Variants in KCNK18 observed in about 807,000 individuals in gnomAD.
KCNK18 encodes the protein potassium channel subfamily K member 18.
KCNK18 carries 8 observed loss-of-function variants against 11.8 expected under a neutral mutation model. The observed-to-expected ratio is 0.68, with a 90% CI of 0.40 to 1.22. The LOEUF (loss-of-function observed/expected upper bound fraction) is 1.22, where lower values mean the gene tolerates loss of function less well. KCNK18 is among the 50% of genes most tolerant of loss of function. The pLI, the probability that KCNK18 is intolerant of heterozygous loss-of-function variation, is 0.01. For synonymous variants in KCNK18, 208 were observed against 185.8 expected, an observed-to-expected ratio of 1.12 and a Z score of -0.97; for missense variants, 442 against 465.4, an observed-to-expected ratio of 0.95 and a Z score of 0.46.
chr10:117,205,058 GTC>G (rs545492543), intron 2 of KCNK18, among the ~76,000 whole-genome samples: 59 of 152,316 alleles, frequency 3.9e-4, no homozygotes, highest in African/African-American at 1.3e-3. Context: ...GTGTTTGAAA[GTC>G]TCTCTGGTAA....
rs36101740 is a variant in KCNK18 at position 117,200,814 on chromosome 10, G to GAAAA, written c.224-336_224-333dup. Among the ~76,000 whole-genome samples, 233 of 145,506 alleles carry GAAAA rather than the reference G, an allele frequency of 1.6e-3. 1 individual carries two copies. In the East Asian group the frequency reaches 0.016, roughly 10 times the overall value. On this transcript the variant is annotated intron_variant, in intron 1 of 2. Coordinates refer to ENST00000334549, the MANE Select transcript of KCNK18 (RefSeq NM_181840.1). ...CAACAGAGCAAGACTCTTGTCTCAAGAAAAAAAAAAAACAGATGAAAGAAA... is the reference window on the plus strand; with the variant it reads ...CAACAGAGCAAGACTCTTGTCTCAAGAAAAAAAAAAAAAAAACAGATGAAAGAAA...
chr10:117,206,011 G>A (rs888860626), intron 2 of KCNK18, among the ~76,000 whole-genome samples: 1 of 151,810 alleles, frequency 6.6e-6, no homozygotes, highest in African/African-American at 2.4e-5. Flanking sequence ...GGTCGTGCAC[G>A]CCTCTTCACT....
intron 1 of KCNK18, among the ~76,000 whole-genome samples, chr10:117,200,052 T>C (rs547261912): frequency 1.3e-5 from 2 of 152,330 alleles, no homozygotes; most frequent in African/African-American, 2.4e-5. Context: ...CACAGTATGA[T>C]GGTATGATGA....
In KCNK18 at chr10:117,209,558, C is replaced by G; in HGVS notation, c.414C>G (p.Leu138=). ...AGTACTTGTGCATGCTCTATGCTCT[C>G]TTTGGTATCCCCCTGATGTTCCTCG... is the stretch of plus-strand genomic sequence containing the variant. The part of the protein sequence containing the change: ...LGKYLCMLYA[L]FGIPLMFLVL... Residue 138 remains leucine, a synonymous_variant, in exon 3 of 3, where the codon CTC becomes CTG. Coordinates refer to ENST00000334549, the MANE Select transcript of KCNK18 (RefSeq NM_181840.1). The G allele has an allele frequency of 6.2e-7, 1 of 1,614,100 alleles. No homozygotes were observed. The highest frequency in any genetic ancestry group is 8.5e-7 in the Non-Finnish European group (1 of 1,179,966).
intron 1 of KCNK18, 83 bp downstream of exon 1, chr10:117,197,794 G>T: frequency 2.4e-6 from 3 of 1,275,182 alleles, no homozygotes; most frequent in Non-Finnish European, 3.4e-6. Flanking sequence ...CTTCTAGGAG[G>T]CTGGGTCTGG....
Position 117,197,504 on chromosome 10 carries a change from C to T in KCNK18, c.16C>T (p.His6Tyr), listed in dbSNP as rs748831349. 3.7e-6 allele frequency: 6 copies of T among 1,613,074 alleles called. No individual in the cohort carries two copies. The highest frequency in any genetic ancestry group is 2.2e-5 in the East Asian group (1 of 44,890). ...TTCAGGGACGATGGAGGTCTCGGGG[C>T]ACCCCCAGGCCAGGAGATGCTGCCC... is the stretch of plus-strand genomic sequence containing the variant. MEVSG[H>Y]PQARRCCPEA... The change falls in exon 1 of 3, where the codon CAC becomes TAC. Residue 6 changes from histidine (H) to tyrosine (Y), a missense_variant. Coordinates refer to ENST00000334549, the MANE Select transcript of KCNK18 (RefSeq NM_181840.1).
chr10:117,208,412 C>T (rs552105205), intron 2 of KCNK18, among the ~76,000 whole-genome samples: 11 of 152,036 alleles, frequency 7.2e-5, no homozygotes, highest in African/African-American at 2.2e-4. Flanking sequence ...CTAGTCAATA[C>T]GCAAAGTAGG....
intron 1 of KCNK18, among the ~76,000 whole-genome samples, chr10:117,198,150 T>G (rs1312538174): frequency 6.6e-6 from 1 of 152,174 alleles, no homozygotes; most frequent in Non-Finnish European, 1.5e-5. Flanking sequence ...TTTGCAGGGA[T>G]GAGAATTTAG....
chr10:117,203,816 C>T (rs1055016038), intron 2 of KCNK18, among the ~76,000 whole-genome samples: 74 of 152,282 alleles, frequency 4.9e-4, no homozygotes, highest in Non-Finnish European at 5.1e-4. Flanking sequence ...GGATTATAGG[C>T]GTGAGCCACT....
rs373529144 is a variant in KCNK18, at chr10:117,197,582, A to G, written c.94A>G (p.Thr32Ala). The change falls in exon 1 of 3, where the codon ACC (threonine) becomes GCC (alanine). Residue 32 changes from threonine (T) to alanine (A), a missense_variant. Physicochemically the swap from Thr to Ala is moderately conservative, Grantham distance 58. Coordinates refer to ENST00000334549, the MANE Select transcript of KCNK18 (RefSeq NM_181840.1). The part of the protein sequence containing the change: ...PGLCFLCFLV[T>A]YALVGAVVFS... ...CCTCTGCTTCCTCTGCTTTCTGGTG[A>G]CCTACGCCCTGGTGGGTGCTGTGGT... is the stretch of plus-strand genomic sequence containing the variant. 3 of 1,613,974 alleles carry G rather than the reference A, an allele frequency of 1.9e-6. No homozygotes were observed. In the East Asian group the frequency reaches 6.7e-5, roughly 36 times the overall value.
Position 117,197,503 on chromosome 10 carries a change from G to T in KCNK18, c.15G>T (p.Gly5=). The T allele has an allele frequency of 6.2e-7, 1 of 1,613,096 alleles. No individual in the cohort carries two copies. Residue 5 remains glycine (G), a synonymous_variant, in exon 1 of 3, where the codon GGG becomes GGT. Coordinates refer to ENST00000334549, the MANE Select transcript of KCNK18 (RefSeq NM_181840.1). MEVS[G]HPQARRCCPE... is the part of the protein sequence containing the mutation. ...CTTCAGGGACGATGGAGGTCTCGGG[G>T]CACCCCCAGGCCAGGAGATGCTGCC...
chr10:117,202,778 G>T (rs1855028543), intron 2 of KCNK18, among the ~76,000 whole-genome samples: 2 of 152,114 alleles, frequency 1.3e-5, no homozygotes, highest in African/African-American at 2.4e-5. Context: ...GGAGGGAATG[G>T]CTGCTGGGTG....
intron 2 of KCNK18, among the ~76,000 whole-genome samples, chr10:117,202,337 GC>G (rs1855023013): frequency 6.6e-6 from 1 of 152,238 alleles, no homozygotes; most frequent in South Asian, 2.1e-4. Flanking sequence ...GTAAGTGGCA[GC>G]CAGGATGCCT....
chr10:117,209,977 G>A lies in KCNK18; in HGVS notation c.833G>A (p.Arg278Lys). ...GATGAAGTTGGACAGCAGGTGGAGAGGTTGGACATCCCCCTCCCCATCATT... is the reference window on the plus strand; with the variant it reads ...GATGAAGTTGGACAGCAGGTGGAGAAGTTGGACATCCCCCTCCCCATCATT... ...NLDEVGQQVE[R>K]LDIPLPIIAL... Residue 278 changes from arginine (R) to lysine (K), a missense_variant, in exon 3 of 3, where the codon AGG becomes AAG. By Grantham distance (26) the Arg-to-Lys change is conservative. Transcript: ENST00000334549. 2 of 1,614,176 alleles carry A rather than the reference G, an allele frequency of 1.2e-6. No homozygotes were observed. The highest frequency in any genetic ancestry group is 2.2e-5 in the South Asian group (2 of 91,076).
intron 2 of KCNK18, among the ~76,000 whole-genome samples, chr10:117,203,220 A>G (rs1179540840): frequency 6.6e-6 from 1 of 152,088 alleles, no homozygotes; most frequent in Non-Finnish European, 1.5e-5. Flanking sequence ...GGTGAGGGAC[A>G]GAAAGAATAA....
intron 2 of KCNK18, among the ~76,000 whole-genome samples, chr10:117,205,933 C>G (rs780389329): frequency 3.0e-4 from 46 of 151,958 alleles, no homozygotes; most frequent in Non-Finnish European, 3.5e-4. Context: ...GCCTGTAGTC[C>G]CAGCTACTCA....
chr10:117,208,869 A>C (rs1855107889), intron 2 of KCNK18, among the ~76,000 whole-genome samples: 1 of 151,686 alleles, frequency 6.6e-6, no homozygotes, highest in South Asian at 2.1e-4. Context: ...ACCGCCTGAG[A>C]AGCTGGGACT....
chr10:117,207,696 C>T (rs531613430), intron 2 of KCNK18, among the ~76,000 whole-genome samples: 1 of 152,300 alleles, frequency 6.6e-6, no homozygotes, highest in East Asian at 1.9e-4. Flanking sequence ...CTCCCCTACA[C>T]TTGGGACCCT....
At chr10:117,204,440 G>A (rs1243715737) in intron 2 of KCNK18, among the ~76,000 whole-genome samples, 1 of 152,086 alleles carries the variant, frequency 6.6e-6, no homozygotes, top group African/African-American at 2.4e-5. Context: ...AGATGCAATA[G>A]CACTTTCCCC....
Sources: gnomAD v4.1 joint callset for allele counts (sites outside exome capture counted in the v4.1 genomes callset) on GRCh38, gnomAD v4.1.1 for gene constraint, MANE v1.5 for transcripts, NCBI Gene and HGNC (gene_info 2026-07-23, HGNC 2026-07-21) for gene names.